Variants in HMCN2 observed in about 807,000 individuals in gnomAD.
HMCN2 encodes hemicentin 2, also known as hemicentin-2.
HMCN2 carries 325 observed loss-of-function variants against 377.5 expected under a neutral mutation model. The observed-to-expected ratio is 0.86, with a 90% CI of 0.79 to 0.94. The LOEUF is 0.94. Among genes scored for constraint, HMCN2 ranks in the 40% least tolerant of loss-of-function variants. HMCN2 has a pLI of 0.00. For synonymous variants in HMCN2, 2,007 were observed against 2,046.8 expected (o/e 0.98, Z 0.53); for missense variants, 4,543 against 4,725.3 (o/e 0.96, Z 1.13).
chr9:130,375,483 C>T (rs145390551), intron 49 of HMCN2, 80 bp from the exon 50 acceptor site: 67 of 817,792 alleles, frequency 8.2e-5, no homozygotes, highest in Middle Eastern at 6.3e-4. Flanking sequence ...GGCCAAGCAC[C>T]GGGGTCTGAG....
intron 79 of HMCN2, 56 bp downstream of exon 79, chr9:130,403,384 A>AG (rs143926040): frequency 0.056 from 71,358 of 1,281,546 alleles, 2,176 homozygotes; most frequent in African/African-American, 0.12. Context: ...GGGTCTGGGC[A>AG]GGGGGGGAGT....
chr9:130,403,489 C>G (rs1022900309), intron 79 of HMCN2, among the ~76,000 whole-genome samples, 161 bp downstream of exon 79: 2 of 152,178 alleles, frequency 1.3e-5, no homozygotes, highest in Non-Finnish European at 2.9e-5. Flanking sequence ...GCTCTGGCCT[C>G]CCCCTCCCCA....
intron 46 of HMCN2, 29 bp from the exon 47 acceptor site, chr9:130,372,265 G>A (rs1029208574): frequency 6.6e-6 from 6 of 915,934 alleles, no homozygotes; most frequent in Admixed American, 6.2e-5. Context: ...TCAGAGCCAT[G>A]CTTGGGGCCC....
intron 33 of HMCN2, 64 bp downstream of exon 33, chr9:130,355,918 T>A: frequency 9.5e-7 from 1 of 1,052,072 alleles, no homozygotes; most frequent in South Asian, 1.4e-5. Context: ...TTGCGGATTG[T>A]GGGGGGAAGT....
chr9:130,396,328 G>A lies in HMCN2; in HGVS notation c.11198+15G>A. Reference sequence around the variant, plus strand: ...AGGAGCCCCAGGTGGGAGAGGGAAGGGGTGGGCCTCAGGGAGGCTCTCAGG... The same window carrying A: ...AGGAGCCCCAGGTGGGAGAGGGAAGAGGTGGGCCTCAGGGAGGCTCTCAGG... On this transcript the variant is annotated intron_variant, in intron 73 of 97. Transcript: ENST00000683500. 7.9e-7 allele frequency: 1 copy of A among 1,260,402 alleles called. No homozygotes were observed. The highest frequency in any genetic ancestry group is 2.2e-4 in the Middle Eastern group (1 of 4,602). The allele number at this position is 1,260,402 out of a possible 1,614,324, so 78.1% of individuals were successfully genotyped here.
Position 130,275,512 on chromosome 9 carries a change from C to T in HMCN2, c.260-9091C>T, listed in dbSNP as rs143513690. Among the ~76,000 whole-genome samples the T allele has an allele frequency of 2.0e-4, 31 of 152,260 alleles. No individual in the cohort carries two copies. In the East Asian group the frequency reaches 2.9e-3, roughly 14 times the overall value. ...TCACCTAGGCTGGAGTGCAGTGGCA[C>T]GATATTGTCTCATTGCAACCCCTGC... On this transcript the variant is annotated intron_variant, in intron 1 of 97. Coordinates refer to ENST00000683500, the MANE Select transcript of HMCN2 (RefSeq NM_001291815.2).
chr9:130,297,765 T>A (rs1836248329), intron 7 of HMCN2, among the ~76,000 whole-genome samples: 1 of 152,084 alleles, frequency 6.6e-6, no homozygotes, highest in Admixed American at 6.5e-5. Flanking sequence ...TTGCTCAGTT[T>A]GTTTGTTTTG....
intron 36 of HMCN2, 73 bp from the exon 37 acceptor site, chr9:130,359,246 G>A: frequency 1.3e-6 from 1 of 794,656 alleles, no homozygotes; most frequent in African/African-American, 1.8e-5. Flanking sequence ...GAGCAGCACT[G>A]CTGGGATGGC....
In HMCN2 at chr9:130,428,305, A is replaced by G; in HGVS notation, c.14066-53A>G. 3 of 1,476,038 alleles carry G rather than the reference A, an allele frequency of 2.0e-6. No homozygotes were observed. The South Asian group carries it at 4.1e-5, about 20-fold the overall frequency. 91.4% of individuals were successfully genotyped at this position (1,476,038 alleles called of 1,614,324 possible). A position where few individuals can be genotyped will look rare whatever the true frequency, so the allele number is the denominator to read the frequency against. Reference sequence around the variant, plus strand: ...TAGGCCGGGCCAGGGTCAGGTGGCGAGGCACGCCTGGGGATCATGTTCACA... The same window carrying G: ...TAGGCCGGGCCAGGGTCAGGTGGCGGGGCACGCCTGGGGATCATGTTCACA... On this transcript the variant is annotated intron_variant, in intron 92 of 97. Transcript: ENST00000683500. This position sits in a 1 kb window ranked among gnomAD's most constrained non-coding sequence, Gnocchi z 5.0.
chr9:130,382,206 C>A lies in HMCN2; in HGVS notation c.8454C>A (p.Pro2818=). Residue 2818 remains proline, a synonymous_variant, in exon 55 of 98, where the codon CCC becomes CCA. Coordinates refer to ENST00000683500, the MANE Select transcript of HMCN2 (RefSeq NM_001291815.2). ...CAGGAGGCCGGGTCCTGCAGATCCCCCTGGTGCGGGCAGAGAACGCCGGGA... is the reference window on the plus strand; with the variant it reads ...CAGGAGGCCGGGTCCTGCAGATCCCACTGGTGCGGGCAGAGAACGCCGGGA... ...VLQGGRVLQI[P]LVRAENAGRY... 1 of 985,868 alleles carries A rather than the reference C, an allele frequency of 1.0e-6. No individual in the cohort carries two copies. 61.1% of individuals were successfully genotyped at this position (985,868 alleles called of 1,614,324 possible).
At position 130,320,443 on chromosome 9, in the gene HMCN2, C is replaced by T. The variant is rs2131398676; in HGVS notation, c.2639C>T (p.Thr880Ile). 6.6e-6 allele frequency: 1 copy of T among 152,588 alleles called. No individual in the cohort carries two copies. Among genetic ancestry groups the T allele is most frequent in the East Asian group, 1.9e-4 (1 of 5,178 alleles). 9.5% of individuals were successfully genotyped at this position (152,588 alleles called of 1,614,324 possible). ...CAGGCTGAGGCCCGGCTCATCGTCA[C>T]TGGTCACGGTTCGCTGGTGGATCTG... is the stretch of plus-strand genomic sequence containing the variant. ...KVQAEARLIV[T>I]GHAPPQIASS... The change falls in exon 17 of 98, where the codon ACT becomes ATT. Residue 880 changes from threonine to isoleucine, a missense_variant. By Grantham distance (89) the Thr-to-Ile change is moderately conservative (BLOSUM62 -1). Transcript: ENST00000683500.
rs782102204 is a variant in HMCN2, at chr9:130,299,092, G to A, written c.1080G>A (p.Glu360=). The A allele has an allele frequency of 4.2e-6, 2 of 471,130 alleles. No homozygotes were observed. Among genetic ancestry groups the A allele is most frequent in the South Asian group, 3.1e-5 (2 of 64,560 alleles). The allele number at this position is 471,130 out of a possible 1,614,324, so 29.2% of individuals were successfully genotyped here. ...LKAPGRLDSV[E]LAQSSGKPLL... is the part of the protein sequence containing the mutation. ...CACCCGGCCGCCTAGACTCGGTGGA[G>A]CTGGCACAAAGCTCAGGGAAGCCCC... The change falls in exon 8 of 98, where the codon GAG becomes GAA. Residue 360 remains glutamate, a synonymous_variant. Transcript: ENST00000683500.
intron 22 of HMCN2, among the ~76,000 whole-genome samples, chr9:130,334,734 CTCTCTT>C (rs1838632880): frequency 7.2e-6 from 1 of 139,496 alleles, no homozygotes; most frequent in African/African-American, 2.6e-5. Flanking sequence ...CTCTCTTTCT[CTCTCTT>C]TCTCTTTCTC....
intron 7 of HMCN2, among the ~76,000 whole-genome samples, chr9:130,297,046 C>T (rs1162610813): frequency 1.3e-5 from 2 of 152,224 alleles, no homozygotes; most frequent in African/African-American, 4.8e-5. Flanking sequence ...TCCTCCGTGC[C>T]TCCACAGTCA....
intron 1 of HMCN2, 132 bp from the exon 2 acceptor site, chr9:130,284,471 G>A (rs1423530792): frequency 2.5e-6 from 1 of 406,422 alleles, no homozygotes; most frequent in Non-Finnish European, 5.0e-6. Flanking sequence ...GCTGCTCCCT[G>A]ATCTCTCCCC....
At position 130,403,876 on chromosome 9, in the gene HMCN2, G is replaced by T. The variant is rs1196650646; in HGVS notation, c.12148+1G>T. ...GGGAAGACGCGGCTGGTGGTGCAAG[G>T]TGGGAGTGAGGACGGGGCCGAGGTG... On this transcript the variant is annotated splice_donor_variant, in intron 80 of 97. Coordinates refer to ENST00000683500, the MANE Select transcript of HMCN2 (RefSeq NM_001291815.2). LOFTEE classifies it high-confidence loss of function. The T allele has an allele frequency of 3.1e-6, 4 of 1,288,934 alleles. No individual in the cohort carries two copies. Among genetic ancestry groups the T allele is most frequent in the Non-Finnish European group, 2.0e-6 (2 of 988,296 alleles). 79.8% of individuals were successfully genotyped at this position (1,288,934 alleles called of 1,614,324 possible).
intron 22 of HMCN2, among the ~76,000 whole-genome samples, chr9:130,328,559 G>A (rs1280887006): frequency 2.6e-5 from 4 of 151,894 alleles, no homozygotes; most frequent in Admixed American, 2.0e-4. Flanking sequence ...CCTCTCCCTT[G>A]CCCTCTTCAC....
rs926745662 is a variant in HMCN2 at position 130,425,997 on chromosome 9, C to G, written c.13879+73C>G. 6 of 1,127,670 alleles carry G rather than the reference C, an allele frequency of 5.3e-6. No homozygotes were observed. The African/African-American group carries it at 9.2e-5, about 17-fold the overall frequency. The allele number at this position is 1,127,670 out of a possible 1,614,324, so 69.9% of individuals were successfully genotyped here. A position where few individuals can be genotyped will look rare whatever the true frequency, so the allele number is the denominator to read the frequency against. On this transcript the variant is annotated intron_variant, in intron 90 of 97. Coordinates refer to ENST00000683500, the MANE Select transcript of HMCN2 (RefSeq NM_001291815.2). Reference sequence around the variant, plus strand: ...TGCCAGGGGGCCCAAATGCACGTGGCTGGAATCCACCCCTGCCCCTAACAT... The same window carrying G: ...TGCCAGGGGGCCCAAATGCACGTGGGTGGAATCCACCCCTGCCCCTAACAT...
Position 130,391,038 on chromosome 9 carries a change from A to G in HMCN2, c.9585A>G (p.Gln3195=), listed in dbSNP as rs556625656. Residue 3195 remains glutamine (Q), a synonymous_variant, in exon 63 of 98, where the codon CAA becomes CAG. Transcript: ENST00000683500. ...GCCGCCTCCAGCTGAGCCGCCTGCA[A>G]CCGGCCCAGGCGGGCACCTACACGT... The part of the protein sequence containing the change: ...RGGRLQLSRL[Q]PAQAGTYTCV... The G allele has an allele frequency of 2.6e-5, 26 of 987,842 alleles. 1 individual carries two copies. In the South Asian group the frequency reaches 7.0e-4, roughly 27 times the overall value. The allele number at this position is 987,842 out of a possible 1,614,324, so 61.2% of individuals were successfully genotyped here. A position where few individuals can be genotyped will look rare whatever the true frequency, so the allele number is the denominator to read the frequency against.
Sources: gnomAD v4.1 joint callset for allele counts (sites outside exome capture counted in the v4.1 genomes callset) on GRCh38, gnomAD v4.1.1 for gene constraint, Gnocchi (gnomAD v3.1) non-coding constraint, MANE v1.5 for transcripts, NCBI Gene and HGNC (gene_info 2026-07-23, HGNC 2026-07-21) for gene names.